Variants in MCPH1 observed in about 807,000 individuals in gnomAD.
MCPH1 encodes microcephalin.
MCPH1 carries 104 observed loss-of-function variants against 84.5 expected under a neutral mutation model. The ratio of observed to expected loss-of-function variants is 1.23; its 90% CI spans 1.05 to 1.45. The LOEUF is 1.45. Ranked by LOEUF, MCPH1 falls within the 40% of genes most tolerant of loss-of-function variation. MCPH1 has a pLI of 0.00. For synonymous variants in MCPH1, 514 were observed against 366.8 expected (o/e 1.40, Z -4.58); for missense variants, 1,498 against 1,005.7 (o/e 1.49, Z -6.62).
Position 6,444,541 on chromosome 8 carries a change from TATTC to T in MCPH1, c.826_829del (p.Ser276HisfsTer16), listed in dbSNP as rs1563216932. On this transcript the variant is annotated frameshift_variant, in exon 8 of 14. Coordinates refer to ENST00000344683, the MANE Select transcript of MCPH1 (RefSeq NM_024596.5). LOFTEE classifies it high-confidence loss of function. ...CTTCACTTGTATTGAAAGCAAATAA[TATTC>T]ATTCATCACCATCTTTCACTCACCT... The T allele has an allele frequency of 3.1e-6, 5 of 1,614,172 alleles. No homozygotes were observed.
chr8:6,629,932 A>G (rs1797030072), intron 13 of MCPH1, among the ~76,000 whole-genome samples: 1 of 152,228 alleles, frequency 6.6e-6, no homozygotes, highest in African/African-American at 2.4e-5. Flanking sequence ...TTTTTTGTTT[A>G]CACAGCCACT....
intron 12 of MCPH1, among the ~76,000 whole-genome samples, chr8:6,579,756 C>G (rs2515519): frequency 0.2 from 30,516 of 152,174 alleles, 3,443 homozygotes; most frequent in Non-Finnish European, 0.26. Flanking sequence ...CCCCAAAGCA[C>G]GTGTCGCCAG....
chr8:6,513,978 G>A (rs996308251), intron 12 of MCPH1: 2 of 845,826 alleles, frequency 2.4e-6, no homozygotes, highest in African/African-American at 1.7e-5. Context: ...GACAATTTAG[G>A]GTCCTTCCCA....
chr8:6,423,380 T>C (rs1800552271), intron 3 of MCPH1, among the ~76,000 whole-genome samples: 1 of 151,502 alleles, frequency 6.6e-6, no homozygotes, highest in Admixed American at 6.6e-5. Flanking sequence ...TTAGCCAGGA[T>C]GGTCTCCATC....
rs1209696855 is a variant in MCPH1, at chr8:6,648,265, C to T, written c.*5216C>T. 1 of 152,210 alleles carries T rather than the reference C, an allele frequency of 6.6e-6. No homozygotes were observed. Among genetic ancestry groups the T allele is most frequent in the Non-Finnish European group, 1.5e-5 (1 of 68,070 alleles). 9.4% of individuals were successfully genotyped at this position (152,210 alleles called of 1,614,324 possible). On this transcript the variant is annotated 3_prime_UTR_variant, in exon 14 of 14. Coordinates refer to ENST00000344683, the MANE Select transcript of MCPH1 (RefSeq NM_024596.5). ...CTAAGCTGTCAGACCTCCACAGTGGCCAGAAGGTTTTCCATACCTGAGCCT... is the reference window on the plus strand; with the variant it reads ...CTAAGCTGTCAGACCTCCACAGTGGTCAGAAGGTTTTCCATACCTGAGCCT...
At chr8:6,602,794 C>T (rs1171943817) in intron 12 of MCPH1, among the ~76,000 whole-genome samples, 4 of 152,012 alleles carry the variant, frequency 2.6e-5, no homozygotes, top group Non-Finnish European at 5.9e-5. Context: ...TTCTGACCTC[C>T]CCACTCTCGG....
At chr8:6,473,199 A>G (rs1807982296) in intron 9 of MCPH1, among the ~76,000 whole-genome samples, 1 of 151,832 alleles carries the variant, frequency 6.6e-6, no homozygotes, top group Non-Finnish European at 1.5e-5. Context: ...TTTAGTCTTT[A>G]GTTTTAAGAG....
At chr8:6,547,857 GT>G in intron 12 of MCPH1, among the ~76,000 whole-genome samples, 1 of 149,650 alleles carries the variant, frequency 6.7e-6, no homozygotes, top group East Asian at 2.0e-4. Flanking sequence ...AGGTTTGTTT[GT>G]TTGTTTCAGT....
intron 3 of MCPH1, among the ~76,000 whole-genome samples, chr8:6,425,036 A>C (rs1261792415): frequency 6.6e-6 from 1 of 152,236 alleles, no homozygotes; most frequent in Admixed American, 6.5e-5. Flanking sequence ...GAGTAGCATA[A>C]AGAATGCAGG....
intron 6 of MCPH1, among the ~76,000 whole-genome samples, chr8:6,440,900 A>C (rs1041748347): frequency 6.6e-6 from 1 of 152,206 alleles, no homozygotes; most frequent in African/African-American, 2.4e-5. Flanking sequence ...CCTAGTTCAG[A>C]AGTAGGCAGC....
rs1397997804 is a variant in MCPH1 at position 6,592,616 on chromosome 8, TTTTTTTG to T, written c.2215-28831_2215-28825del. ...CATCTAGGCTCTCGTTTTTCTTTCT[TTTTTTTG>T]TTTTTTTTTTTTTTTTTTTTGTTGC... On this transcript the variant is annotated intron_variant, in intron 12 of 13. Transcript: ENST00000344683. Among the ~76,000 whole-genome samples, 211 of 67,790 alleles carry T rather than the reference TTTTTTTG, an allele frequency of 3.1e-3. 1 individual carries two copies. The highest frequency in any genetic ancestry group is 0.011 in the African/African-American group (189 of 17,160). 44.5% of individuals were successfully genotyped at this position (67,790 alleles called of 152,430 possible).
chr8:6,596,848 A>G (rs1413351576), intron 12 of MCPH1, among the ~76,000 whole-genome samples: 1 of 152,244 alleles, frequency 6.6e-6, no homozygotes, highest in African/African-American at 2.4e-5. Context: ...ATCATTATTG[A>G]CCATGAAATA....
chr8:6,406,852 GTCCCACCAAAACCCCC>G lies in MCPH1; in HGVS notation c.22+165_22+180del, dbSNP rs1244717308. ...CCGCCTCCTTCCTCCCCCGCTGCCT[GTCCCACCAAAACCCCC>G]TGCTCCTGCTCTCTCCCCCGCTGCC... is the stretch of plus-strand genomic sequence containing the variant. On this transcript the variant is annotated intron_variant, in intron 1 of 13. Coordinates refer to ENST00000344683, the MANE Select transcript of MCPH1 (RefSeq NM_024596.5). 1.7e-4 allele frequency: 6 copies of G among 35,156 alleles called. 1 individual carries two copies. The highest frequency in any genetic ancestry group is 2.8e-4 in the Non-Finnish European group (4 of 14,088). 2.2% of individuals were successfully genotyped at this position (35,156 alleles called of 1,614,324 possible).
chr8:6,553,203 G>A (rs535727961), intron 12 of MCPH1, among the ~76,000 whole-genome samples: 1 of 152,178 alleles, frequency 6.6e-6, no homozygotes, highest in African/African-American at 2.4e-5. Context: ...TGCCACGGAG[G>A]GGGGATATGG....
intron 9 of MCPH1, among the ~76,000 whole-genome samples, chr8:6,460,650 CTGT>C (rs1806178737): frequency 6.6e-6 from 1 of 151,948 alleles, no homozygotes; most frequent in Non-Finnish European, 1.5e-5. Context: ...TTTTTCTTAT[CTGT>C]TGTTTTCAAT....
At chr8:6,424,649 T>TA (rs1411447516) in intron 3 of MCPH1, among the ~76,000 whole-genome samples, 3 of 152,242 alleles carry the variant, frequency 2.0e-5, no homozygotes, top group African/African-American at 7.2e-5. Context: ...GTCCTCCTAA[T>TA]ATCACATCAA....
chr8:6,625,334 T>G (rs1331333296), intron 13 of MCPH1: 1 of 985,368 alleles, frequency 1.0e-6, no homozygotes, highest in African/African-American at 1.7e-5. Flanking sequence ...ATTGACGGTA[T>G]CCATGGATGT....
At chr8:6,522,534 A>G (rs1019810475) in intron 12 of MCPH1, among the ~76,000 whole-genome samples, 1 of 151,830 alleles carries the variant, frequency 6.6e-6, no homozygotes, top group Non-Finnish European at 1.5e-5. Context: ...AGCACTTTGG[A>G]AGGCTGAGGC....
chr8:6,471,599 C>T (rs528170701), intron 9 of MCPH1, among the ~76,000 whole-genome samples: 26 of 152,260 alleles, frequency 1.7e-4, no homozygotes, highest in African/African-American at 5.5e-4. Context: ...TAAACAAAAG[C>T]CGCAGTCCTC....
Sources: allele counts gnomAD v4.1 joint callset (sites outside exome capture counted in the v4.1 genomes callset), GRCh38; gene constraint gnomAD v4.1.1; transcripts MANE v1.5; gene names NCBI Gene and HGNC (gene_info 2026-07-23, HGNC 2026-07-21).